The following MACROD2 variants were observed in gnomAD, a reference collection of about 807,000 sequenced individuals.
MACROD2 encodes the protein mono-ADP ribosylhydrolase 2, also known as ADP-ribose glycohydrolase MACROD2.
Under a neutral mutation model 70.4 loss-of-function variants are expected in MACROD2, and 36 were observed. That is an observed-to-expected ratio of 0.51 (90% CI 0.39 to 0.68). The LOEUF is 0.68. Ranked by LOEUF, MACROD2 falls within the 30% of genes least tolerant of loss-of-function variation. MACROD2 has a pLI of 0.00. For missense variants in MACROD2, 496 were observed against 538.4 expected (o/e 0.92, Z 0.78); for synonymous variants, 172 against 178.8 (o/e 0.96, Z 0.30).
chr20:15,954,023 G>A (rs1250338338), intron 12 of MACROD2, among the ~76,000 whole-genome samples: 1 of 152,094 alleles, frequency 6.6e-6, no homozygotes, highest in Non-Finnish European at 1.5e-5. Flanking sequence ...TGGCTTTAAT[G>A]AGCCCAAGAT....
chr20:14,862,033 A>G lies in MACROD2; in HGVS notation c.418+177074A>G, dbSNP rs867628172. Among the ~76,000 whole-genome samples, 26 of 30,098 alleles carry G rather than the reference A, an allele frequency of 8.6e-4. 1 individual carries two copies. Among genetic ancestry groups the G allele is most frequent in the African/African-American group, 3.2e-3 (24 of 7,412 alleles). 19.7% of individuals were successfully genotyped at this position (30,098 alleles called of 152,430 possible). ...TATATATATATTTATATATATTTAT[A>G]TATATTTATATATATATTTATATAT... On this transcript the variant is annotated intron_variant, in intron 5 of 17. Transcript: ENST00000684519.
At chr20:14,930,762 G>A in intron 5 of MACROD2, among the ~76,000 whole-genome samples, 1 of 49,402 alleles carries the variant, frequency 2.0e-5, no homozygotes, top group African/African-American at 7.7e-5. Context: ...GGGAGAGCGT[G>A]TCTTAAAAAA....
intron 8 of MACROD2, among the ~76,000 whole-genome samples, chr20:15,504,298 G>A (rs1004778478): frequency 1.3e-5 from 2 of 152,072 alleles, no homozygotes; most frequent in South Asian, 2.1e-4. Flanking sequence ...GGGGAGGAAC[G>A]CTGCTGCACA....
intron 13 of MACROD2, among the ~76,000 whole-genome samples, chr20:15,986,394 T>C (rs1057121849): frequency 6.6e-6 from 1 of 152,216 alleles, no homozygotes. Flanking sequence ...AAATTAAATG[T>C]AGTTAACCCA....
chr20:14,413,941 T>G (rs549634483), intron 3 of MACROD2, among the ~76,000 whole-genome samples: 8 of 152,088 alleles, frequency 5.3e-5, no homozygotes, highest in Non-Finnish European at 7.3e-5. Context: ...TGGTACAAAT[T>G]GATTATAAAT....
intron 5 of MACROD2, among the ~76,000 whole-genome samples, chr20:15,196,250 G>A (rs1467862212): frequency 2.0e-5 from 3 of 148,130 alleles, no homozygotes; most frequent in Non-Finnish European, 4.5e-5. Context: ...TAAAATAGAA[G>A]TTGAAGATTA....
At chr20:14,847,992 G>A (rs978343478) in intron 5 of MACROD2, among the ~76,000 whole-genome samples, 4 of 152,134 alleles carry the variant, frequency 2.6e-5, no homozygotes, top group African/African-American at 9.7e-5. Context: ...AAGAAGATGG[G>A]GAGCTGAATG....
At chr20:14,047,673 C>G (rs1400217304) in intron 2 of MACROD2, among the ~76,000 whole-genome samples, 3 of 151,854 alleles carry the variant, frequency 2.0e-5, no homozygotes, top group Non-Finnish European at 4.4e-5. Context: ...GCAGTATTGA[C>G]AAATTGAAAT....
chr20:15,067,944 A>C (rs1313966045), intron 5 of MACROD2, among the ~76,000 whole-genome samples: 2 of 152,192 alleles, frequency 1.3e-5, no homozygotes, highest in Non-Finnish European at 2.9e-5. Flanking sequence ...CACATAGATA[A>C]AACCAGTAGT....
chr20:14,633,400 ATCT>A (rs1475873302), intron 4 of MACROD2, among the ~76,000 whole-genome samples: 4 of 152,030 alleles, frequency 2.6e-5, no homozygotes, highest in Non-Finnish European at 5.9e-5. Context: ...TTCATATTTA[ATCT>A]TCTTCAAAGG....
At chr20:14,591,160 T>C (rs998705827) in intron 4 of MACROD2, among the ~76,000 whole-genome samples, 2 of 152,188 alleles carry the variant, frequency 1.3e-5, no homozygotes, top group African/African-American at 4.8e-5. Context: ...TTTTCTTATT[T>C]GATTAGAGGA....
intron 5 of MACROD2, among the ~76,000 whole-genome samples, chr20:15,105,530 A>T (rs770290156): frequency 2.6e-5 from 4 of 152,166 alleles, no homozygotes; most frequent in Non-Finnish European, 5.9e-5. Flanking sequence ...TGCTGATACC[A>T]AAATAAATGA....
intron 2 of MACROD2, among the ~76,000 whole-genome samples, chr20:14,074,579 G>A (rs2053893302): frequency 6.6e-6 from 1 of 152,184 alleles, no homozygotes; most frequent in Non-Finnish European, 1.5e-5. Context: ...TACTGGGCTG[G>A]TAGTCTTTCT....
chr20:14,152,081 A>G (rs1206880252), intron 3 of MACROD2, among the ~76,000 whole-genome samples: 1 of 151,656 alleles, frequency 6.6e-6, no homozygotes, highest in Non-Finnish European at 1.5e-5. Flanking sequence ...TCAGCCTCCC[A>G]AAGTGCTGGG....
chr20:14,954,552 A>C lies in MACROD2; in HGVS notation c.418+269593A>C, dbSNP rs1310572394. Among the ~76,000 whole-genome samples, 3 of 139,196 alleles carry C rather than the reference A, an allele frequency of 2.2e-5. No individual in the cohort carries two copies. The East Asian group carries it at 6.2e-4, about 29-fold the overall frequency. The allele number at this position is 139,196 out of a possible 152,430, so 91.3% of individuals were successfully genotyped here. A position where few individuals can be genotyped will look rare whatever the true frequency, so the allele number is the denominator to read the frequency against. On this transcript the variant is annotated intron_variant, in intron 5 of 17. Transcript: ENST00000684519. ...TAATTATATATAATATAAATTATAAATAAATTATAAATATATAAATGTATA... is the reference window on the plus strand; with the variant it reads ...TAATTATATATAATATAAATTATAACTAAATTATAAATATATAAATGTATA...
chr20:14,906,113 A>G (rs2073955768), intron 5 of MACROD2: 1 of 152,164 alleles, frequency 6.6e-6, no homozygotes, highest in East Asian at 1.9e-4. Context: ...TAAGAGTAAA[A>G]CGTTATTCTT....
chr20:14,249,755 T>C (rs1360990358), intron 3 of MACROD2, among the ~76,000 whole-genome samples: 4 of 152,156 alleles, frequency 2.6e-5, no homozygotes, highest in African/African-American at 7.2e-5. Flanking sequence ...TTTTGAGCTA[T>C]AGTATGGCAA....
At chr20:14,409,138 C>G (rs1275780673) in intron 3 of MACROD2, among the ~76,000 whole-genome samples, 1 of 135,818 alleles carries the variant, frequency 7.4e-6, no homozygotes, top group Non-Finnish European at 1.5e-5. Context: ...CTTCTAAGGT[C>G]TGTTTTGGCT....
intron 9 of MACROD2, among the ~76,000 whole-genome samples, chr20:15,882,351 A>G (rs2064766467): frequency 6.6e-6 from 1 of 152,056 alleles, no homozygotes; most frequent in African/African-American, 2.4e-5. Flanking sequence ...GAATGAATGG[A>G]CCCAGGAGAC....
Sources: gnomAD v4.1 joint callset for allele counts (sites outside exome capture counted in the v4.1 genomes callset) on GRCh38, gnomAD v4.1.1 for gene constraint, MANE v1.5 for transcripts, NCBI Gene and HGNC (gene_info 2026-07-23, HGNC 2026-07-21) for gene names.